The following MEMO1 variants were observed in gnomAD, a reference collection of about 807,000 sequenced individuals.
MEMO1 encodes the protein mediator of cell motility 1.
MEMO1 carries 6 observed loss-of-function variants against 45.2 expected under a neutral mutation model. That is an observed-to-expected ratio of 0.13 (90% confidence interval 0.07 to 0.26). MEMO1 has a LOEUF of 0.26. Among genes scored for constraint, MEMO1 ranks in the 10% least tolerant of loss-of-function variants. The pLI, the probability that MEMO1 is intolerant of heterozygous loss-of-function variation, is 1.00. For synonymous variants in MEMO1, 78 were observed against 124.3 expected (o/e 0.63, Z 2.48); for missense variants, 184 against 370.5 (o/e 0.50, Z 4.13).
At chr2:32,006,114 GA>G (rs1674031513) in intron 2 of MEMO1, among the ~76,000 whole-genome samples, 1 of 152,198 alleles carries the variant, frequency 6.6e-6, no homozygotes, top group African/African-American at 2.4e-5. Context: ...TGGGGTAGGG[GA>G]AAGCGGTCAT....
At chr2:31,892,814 C>T (rs907789656) in intron 6 of MEMO1, among the ~76,000 whole-genome samples, 3 of 152,050 alleles carry the variant, frequency 2.0e-5, no homozygotes, top group Non-Finnish European at 1.5e-5. Flanking sequence ...ATGGCATATC[C>T]ACAAGTCCCT....
At chr2:31,976,489 A>C (rs1670017509) in intron 2 of MEMO1, among the ~76,000 whole-genome samples, 1 of 152,008 alleles carries the variant, frequency 6.6e-6, no homozygotes, top group African/African-American at 2.4e-5. Context: ...GAGGCATGAA[A>C]ATCACTTGAA....
intron 4 of MEMO1, among the ~76,000 whole-genome samples, chr2:31,928,532 G>C (rs1466594043): frequency 8.2e-6 from 1 of 122,510 alleles, no homozygotes; most frequent in Non-Finnish European, 1.6e-5. Context: ...GGGTGACAAA[G>C]AGAGACTCCA....
intron 4 of MEMO1, among the ~76,000 whole-genome samples, chr2:31,928,196 G>T (rs1226407673): frequency 6.6e-6 from 1 of 152,102 alleles, no homozygotes; most frequent in Non-Finnish European, 1.5e-5. Context: ...CACCTCAAAA[G>T]CTGCCTCTCA....
chr2:31,948,154 G>C (rs191425356), intron 2 of MEMO1, among the ~76,000 whole-genome samples: 41 of 152,254 alleles, frequency 2.7e-4, no homozygotes, highest in African/African-American at 6.3e-4. Context: ...CATGGAATTC[G>C]CAAATCCATA....
intron 8 of MEMO1, among the ~76,000 whole-genome samples, chr2:31,879,154 T>C (rs1452955478): frequency 6.6e-6 from 1 of 152,190 alleles, no homozygotes; most frequent in Non-Finnish European, 1.5e-5. Flanking sequence ...ATTTTTCACA[T>C]TTGGTTTTTG....
rs1301060359 is a variant in MEMO1 at position 31,981,157 on chromosome 2, AGACT to A, written c.61+29026_61+29029del. ...AACAGACAATCCCCATTACTAAAGAAGACTGACTGACTGAACAGATCTGAAGGAG... is the reference window on the plus strand; with the variant it reads ...AACAGACAATCCCCATTACTAAAGAAGACTGACTGAACAGATCTGAAGGAG... On this transcript the variant is annotated intron_variant, in intron 2 of 9. Transcript: ENST00000404530. 7.9e-5 allele frequency among the ~76,000 whole-genome samples: 12 copies of A among 152,240 alleles called. No homozygotes were observed. In the East Asian group the frequency reaches 1.2e-3, roughly 15 times the overall value.
At chr2:31,921,013 T>C in intron 4 of MEMO1, 103 bp from the exon 5 acceptor site, 3 of 745,262 alleles carry the variant, frequency 4.0e-6, no homozygotes, top group Non-Finnish European at 6.5e-6. Context: ...TTGTTTTCCT[T>C]CTTAATTACC....
intron 2 of MEMO1, among the ~76,000 whole-genome samples, chr2:31,994,227 C>A (rs1172362809): frequency 6.6e-6 from 1 of 151,148 alleles, no homozygotes; most frequent in Non-Finnish European, 1.5e-5. Context: ...TCCCAAAGTA[C>A]TGGAATTACA....
intron 2 of MEMO1, among the ~76,000 whole-genome samples, chr2:31,999,494 C>G (rs540096299): frequency 6.6e-6 from 1 of 152,030 alleles, no homozygotes; most frequent in Non-Finnish European, 1.5e-5. Context: ...GAGACCCGCC[C>G]CCCCATCTCT....
intron 2 of MEMO1, among the ~76,000 whole-genome samples, chr2:32,005,032 A>G (rs1558572730): frequency 6.6e-6 from 1 of 152,204 alleles, no homozygotes; most frequent in African/African-American, 2.4e-5. Context: ...AAAAAGGTAT[A>G]AAAGTGTTCA....
At chr2:31,872,623 TAAGTA>T (rs1471267094) in intron 8 of MEMO1, among the ~76,000 whole-genome samples, 3 of 152,026 alleles carry the variant, frequency 2.0e-5, no homozygotes, top group East Asian at 3.9e-4. Context: ...AAAATACTAC[TAAGTA>T]AAGAGTTAAA....
intron 7 of MEMO1, 77 bp downstream of exon 7, chr2:31,891,915 C>A: frequency 1.4e-6 from 2 of 1,397,398 alleles, no homozygotes; most frequent in South Asian, 2.9e-5. Flanking sequence ...AACTGAAAAT[C>A]AGAGCTTAGA....
intron 4 of MEMO1, among the ~76,000 whole-genome samples, chr2:31,931,602 A>C (rs574599904): frequency 3.3e-5 from 5 of 152,252 alleles, no homozygotes; most frequent in African/African-American, 1.2e-4. Context: ...ATTAAGAGTT[A>C]ATATGCCTCA....
intron 4 of MEMO1, chr2:31,923,639 A>G: frequency 6.5e-7 from 1 of 1,547,658 alleles, no homozygotes; most frequent in Non-Finnish European, 8.7e-7. Flanking sequence ...TATATGAACC[A>G]AGAATCAAAT....
intron 6 of MEMO1, among the ~76,000 whole-genome samples, chr2:31,913,666 C>A (rs556369193): frequency 6.6e-6 from 1 of 152,100 alleles, no homozygotes; most frequent in African/African-American, 2.4e-5. Flanking sequence ...TTACTGAAAT[C>A]TTTTTGTGTA....
At chr2:31,923,743 C>T in intron 4 of MEMO1, 1 of 1,531,930 alleles carries the variant, frequency 6.5e-7, no homozygotes. Flanking sequence ...ATCTGAAACA[C>T]ACAGTCAAAA....
At chr2:31,914,385 G>A (rs1681096437) in intron 6 of MEMO1, among the ~76,000 whole-genome samples, 1 of 152,174 alleles carries the variant, frequency 6.6e-6, no homozygotes, top group Non-Finnish European at 1.5e-5. Context: ...AGGTGGGGAT[G>A]GTTAATGGAT....
chr2:32,008,681 T>G (rs1321520041), intron 2 of MEMO1, among the ~76,000 whole-genome samples: 1 of 152,244 alleles, frequency 6.6e-6, no homozygotes, highest in Non-Finnish European at 1.5e-5. Flanking sequence ...ATTAAATGTT[T>G]ATGAAGTACT....
Sources: gnomAD v4.1 joint callset for allele counts (sites outside exome capture counted in the v4.1 genomes callset) on GRCh38, gnomAD v4.1.1 for gene constraint, MANE v1.5 for transcripts, NCBI Gene and HGNC (gene_info 2026-07-23, HGNC 2026-07-21) for gene names.